NCOR2: variants seen among roughly 807,000 people sequenced by gnomAD.
The protein encoded by NCOR2 is nuclear receptor corepressor 2.
In NCOR2, 81 loss-of-function variants were observed where a neutral mutation model predicts 262.9. The ratio of observed to expected loss-of-function variants is 0.31; its 90% CI spans 0.26 to 0.37. NCOR2 has a LOEUF of 0.37. NCOR2 is among the 10% of genes least tolerant of loss of function. NCOR2 has a pLI of 1.00. For missense variants in NCOR2, 3,385 were observed against 3,621.4 expected (o/e 0.93, Z 1.68); for synonymous variants, 1,659 against 1,559.3 (o/e 1.06, Z -1.51).
intron 5 of NCOR2, among the ~76,000 whole-genome samples, chr12:124,459,663 A>G (rs1229538092): frequency 6.6e-6 from 1 of 152,216 alleles, no homozygotes; most frequent in African/African-American, 2.4e-5. Flanking sequence ...AGCAAAGTGA[A>G]GTGCATGTCA....
chr12:124,495,458 G>A (rs927716384), upstream of NCOR2: 78 of 1,014,840 alleles, frequency 7.7e-5, no homozygotes, highest in Middle Eastern at 3.3e-4. This position sits in a 1 kb window ranked among gnomAD's most constrained non-coding sequence, Gnocchi z 4.4. Flanking sequence ...CTGTGGTCCC[G>A]TGAGGACACG....
chr12:124,474,233 G>A (rs534725526), intron 3 of NCOR2, among the ~76,000 whole-genome samples: 3 of 152,330 alleles, frequency 2.0e-5, no homozygotes, highest in African/African-American at 4.8e-5. Flanking sequence ...CAACACACAC[G>A]TGGCTTTGCA....
chr12:124,409,561 A>G (rs2042452726), intron 13 of NCOR2, among the ~76,000 whole-genome samples: 1 of 151,892 alleles, frequency 6.6e-6, no homozygotes, highest in South Asian at 2.1e-4. Flanking sequence ...ATGCTGATTG[A>G]CTTACGCATG....
At chr12:124,379,141 G>A (rs540019796) in intron 17 of NCOR2, among the ~76,000 whole-genome samples, 56 of 113,928 alleles carry the variant, frequency 4.9e-4, no homozygotes, top group Non-Finnish European at 8.2e-4. Context: ...GGCTCTGGAC[G>A]AGAGTGGCAG....
At chr12:124,533,784 C>T (rs531750628) in intron 1 of NCOR2, among the ~76,000 whole-genome samples, 1 of 152,298 alleles carries the variant, frequency 6.6e-6, no homozygotes, top group East Asian at 1.9e-4. Flanking sequence ...TGGGGGTGGA[C>T]TTGCACAAAC....
At chr12:124,437,898 GA>G (rs1464719823) in intron 8 of NCOR2, 31 bp downstream of exon 10, 1 of 1,598,936 alleles carries the variant, frequency 6.3e-7, no homozygotes, top group Non-Finnish European at 8.5e-7. Flanking sequence ...AGATCTCAAG[GA>G]AAGCTGATGG....
At chr12:124,480,042 C>A (rs528463922) in intron 3 of NCOR2, among the ~76,000 whole-genome samples, 1 of 152,232 alleles carries the variant, frequency 6.6e-6, no homozygotes, top group Non-Finnish European at 1.5e-5. Flanking sequence ...CTTACCACTG[C>A]GTGAATGCCT....
chr12:124,429,559 C>T (rs962704264), intron 10 of NCOR2, 54 bp downstream of exon 12: 43 of 1,539,402 alleles, frequency 2.8e-5, no homozygotes, highest in Non-Finnish European at 3.8e-5. Flanking sequence ...TCTGCACCCT[C>T]ACGGGGGATG....
chr12:124,344,111 G>A (rs981300135), intron 32 of NCOR2, among the ~76,000 whole-genome samples: 1 of 152,184 alleles, frequency 6.6e-6, no homozygotes, highest in African/African-American at 2.4e-5. Context: ...AAGGCCCCCA[G>A]CAAATACTGA....
upstream of NCOR2, chr12:124,495,334 C>A: frequency 6.7e-7 from 1 of 1,487,510 alleles, no homozygotes; most frequent in South Asian, 1.3e-5. The surrounding 1 kb of genome is among the most constrained non-coding windows in gnomAD (Gnocchi z 4.4). Context: ...AGCCAGTCCT[C>A]GTCATCAGCT....
At chr12:124,478,106 CT>C (rs1431357234) in intron 3 of NCOR2, among the ~76,000 whole-genome samples, 1 of 152,180 alleles carries the variant, frequency 6.6e-6, no homozygotes, top group African/African-American at 2.4e-5. Flanking sequence ...AGGAAGAGTT[CT>C]CTCTTTTTGC....
intron 17 of NCOR2, among the ~76,000 whole-genome samples, chr12:124,379,612 A>C (rs866564153): frequency 2.6e-5 from 4 of 152,160 alleles, no homozygotes; most frequent in Admixed American, 6.5e-5. Context: ...GGTTGCTGAG[A>C]AAGAGGTGGG....
intron 6 of NCOR2, among the ~76,000 whole-genome samples, chr12:124,455,065 G>A (rs1472957806): frequency 1.3e-5 from 2 of 152,160 alleles, no homozygotes; most frequent in African/African-American, 4.8e-5. Context: ...ACCACATATT[G>A]CAAGATTCCA....
At chr12:124,455,566 C>T (rs997187585) in intron 6 of NCOR2, among the ~76,000 whole-genome samples, 6 of 152,212 alleles carry the variant, frequency 3.9e-5, no homozygotes, top group African/African-American at 9.6e-5. Context: ...CCTCAAAAGA[C>T]GGACCCCGGG....
At chr12:124,343,168 C>A in exon 33 of NCOR2, 1 of 1,610,508 alleles carries the variant, frequency 6.2e-7, no homozygotes, top group Non-Finnish European at 8.5e-7. Flanking sequence ...ACTTGGCGAT[C>A]TCACGAGGCG....
At chr12:124,348,297 G>T in exon 29 of NCOR2, 1 of 1,610,992 alleles carries the variant, frequency 6.2e-7, no homozygotes, top group South Asian at 1.1e-5. Flanking sequence ...TTGGAGCACT[G>T]GGTCACAGAC....
intron 3 of NCOR2, among the ~76,000 whole-genome samples, chr12:124,479,823 C>T (rs888566923): frequency 6.6e-6 from 1 of 152,230 alleles, no homozygotes; most frequent in Admixed American, 6.5e-5. Flanking sequence ...AACCTGGAGG[C>T]AGGCATGGGG....
intron 13 of NCOR2, among the ~76,000 whole-genome samples, chr12:124,405,119 A>C: frequency 1.4e-5 from 2 of 146,484 alleles, no homozygotes; most frequent in African/African-American, 2.6e-5. Flanking sequence ...CCTGCCTCCC[A>C]CTCCAGACTC....
At chr12:124,498,825 G>T (rs1045804849), upstream of NCOR2, among the ~76,000 whole-genome samples, 1 of 152,176 alleles carries the variant, frequency 6.6e-6, no homozygotes, top group African/African-American at 2.4e-5. Flanking sequence ...ACGAAGGACG[G>T]CTGTGTCCTA....
Sources: allele counts gnomAD v4.1 joint callset (sites outside exome capture counted in the v4.1 genomes callset), GRCh38; gene constraint gnomAD v4.1.1; non-coding constraint Gnocchi (gnomAD v3.1); transcripts MANE v1.5; gene names NCBI Gene and HGNC (gene_info 2026-07-23, HGNC 2026-07-21).